The following SEMA6B variants were observed in gnomAD, a reference collection of about 807,000 sequenced individuals.
The protein encoded by SEMA6B is semaphorin-6B.
In SEMA6B, 47 loss-of-function variants were observed where a neutral mutation model predicts 78.6. That is an observed-to-expected ratio of 0.60 (90% confidence interval 0.47 to 0.76). The LOEUF (loss-of-function observed/expected upper bound fraction) is 0.76, where lower values mean the gene tolerates loss of function less well. SEMA6B is among the 30% of genes least tolerant of loss of function. SEMA6B has a pLI of 0.00. For synonymous variants in SEMA6B, 632 were observed against 592.2 expected (o/e 1.07, Z -0.98); for missense variants, 1,213 against 1,269.9 (o/e 0.96, Z 0.68).
In SEMA6B at chr19:4,556,149, G is replaced by A. The variant is rs142559337; in HGVS notation, c.370-60C>T. The A allele has an allele frequency of 3.1e-3, 3,838 of 1,237,324 alleles. 10 individuals are homozygous for A. Among genetic ancestry groups the A allele is most frequent in the South Asian group, 4.0e-3 (332 of 82,712 alleles). The allele number at this position is 1,237,324 out of a possible 1,614,324, so 76.6% of individuals were successfully genotyped here. A position where few individuals can be genotyped will look rare whatever the true frequency, so the allele number is the denominator to read the frequency against. ...TGTGGGCGTGGTCATGGTGATGGGC[G>A]TGGCCAGAACCTGAGTTGTGTGGGT... On this transcript the variant is annotated intron_variant, in intron 5 of 16. Transcript: ENST00000586582.
chr19:4,548,431 C>T lies in SEMA6B; in HGVS notation c.1286G>A (p.Arg429Gln), dbSNP rs911810253. Reference sequence around the variant, plus strand: ...GCCGGCTCCCACGTCCACAGCCACTCGAGTCAGCTGGTGCCTGGGGGACAG... The same window carrying T: ...GCCGGCTCCCACGTCCACAGCCACTTGAGTCAGCTGGTGCCTGGGGGACAG... Reference protein sequence around the residue: ...LRTLMRHQLTRVAVDVGAGPW... With the variant: ...LRTLMRHQLTQVAVDVGAGPW... Residue 429 changes from arginine (R) to glutamine (Q), a missense_variant, in exon 13 of 17, where the codon CGA becomes CAA. Physicochemically the swap from Arg to Gln is conservative, Grantham distance 43 (BLOSUM62 1). Coordinates refer to ENST00000586582, the MANE Select transcript of SEMA6B (RefSeq NM_032108.4). 6.2e-6 allele frequency: 10 copies of T among 1,612,074 alleles called. No individual in the cohort carries two copies. Among genetic ancestry groups the T allele is most frequent in the Middle Eastern group, 1.6e-4 (1 of 6,084 alleles).
chr19:4,546,454 A>G lies in SEMA6B; in HGVS notation c.1617T>C (p.Ser539=), dbSNP rs749970871. Residue 539 remains serine, a synonymous_variant, in exon 15 of 17, where the codon AGT becomes AGC. Transcript: ENST00000586582. ...YSGCMKNCIG[S]QDPYCGWAPD... is the part of the protein sequence containing the mutation. Reference sequence around the variant, plus strand: ...GGGCCCACCCGCAGTAGGGGTCCTGACTGCCGATACAGTTCCTAGAGCAGA... The same window carrying G: ...GGGCCCACCCGCAGTAGGGGTCCTGGCTGCCGATACAGTTCCTAGAGCAGA... The G allele has an allele frequency of 1.6e-5, 25 of 1,567,298 alleles. No individual in the cohort carries two copies. The African/African-American group carries it at 3.1e-4, about 20-fold the overall frequency.
rs1568259180 is a variant in SEMA6B, at chr19:4,557,166, C to G, written c.303G>C (p.Gln101His). The G allele has an allele frequency of 1.2e-6, 2 of 1,611,572 alleles. No individual in the cohort carries two copies. Among genetic ancestry groups the G allele is most frequent in the African/African-American group, 1.3e-5 (1 of 74,998 alleles). ...EPPTSTELRY[Q>H]RKLTWRSNPS... ...CCCACCTGCACCCCTTCCTCACCCT[C>G]TGGTACCGCAGCTCCGTGGACGTGG... The change falls in exon 4 of 17, where the codon CAG becomes CAC. Residue 101 changes from glutamine (Q) to histidine (H), a missense_variant. Coordinates refer to ENST00000586582, the MANE Select transcript of SEMA6B (RefSeq NM_032108.4).
Position 4,543,048 on chromosome 19 carries a change from GACAC to G in SEMA6B, c.*549_*552del, listed in dbSNP as rs924905192. On this transcript the variant is annotated 3_prime_UTR_variant, in exon 17 of 17. Coordinates refer to ENST00000586582, the MANE Select transcript of SEMA6B (RefSeq NM_032108.4). ...CACACCCTGCACGCGTGGCCCACTTGACACACACGCCCACAGCAGCCTTCGCTGG... is the reference window on the plus strand; with the variant it reads ...CACACCCTGCACGCGTGGCCCACTTGACACGCCCACAGCAGCCTTCGCTGG... The G allele has an allele frequency of 2.9e-5, 19 of 663,720 alleles. No homozygotes were observed. The highest frequency in any genetic ancestry group is 6.3e-5 in the South Asian group (4 of 63,232). The allele number at this position is 663,720 out of a possible 1,614,324, so 41.1% of individuals were successfully genotyped here. A position where few individuals can be genotyped will look rare whatever the true frequency, so the allele number is the denominator to read the frequency against.
At position 4,550,413 on chromosome 19, in the gene SEMA6B, C is replaced by T. The variant is rs548543319; in HGVS notation, c.1122-141G>A. 7.6e-5 allele frequency: 71 copies of T among 930,366 alleles called. No homozygotes were observed. Among genetic ancestry groups the T allele is most frequent in the African/African-American group, 6.8e-4 (41 of 60,120 alleles). 57.6% of individuals were successfully genotyped at this position (930,366 alleles called of 1,614,324 possible). On this transcript the variant is annotated intron_variant, in intron 11 of 16. Transcript: ENST00000586582. This position sits in a 1 kb window ranked among gnomAD's most constrained non-coding sequence, Gnocchi z 6.6. ...TTTTTGAGACAGAGTCTCAATCTGT[C>T]GCCCAGGCTGGAGTGCTTTGGCTCA...
In SEMA6B at chr19:4,543,685, G is replaced by A. The variant is rs1318237303; in HGVS notation, c.2583C>T (p.Arg861=). The change falls in exon 17 of 17, where the codon CGC becomes CGT. Residue 861 remains arginine, a synonymous_variant. Transcript: ENST00000586582. ...SGEARPGDRH[R]GCHARPGTDL... ...CTGTGCCCGGCCGGGCGTGGCAGCC[G>A]CGGTGGCGGTCCCCAGGCCGGGCCT... 1 of 1,230,374 alleles carries A rather than the reference G, an allele frequency of 8.1e-7. No individual in the cohort carries two copies. The allele number at this position is 1,230,374 out of a possible 1,614,324, so 76.2% of individuals were successfully genotyped here. A position where few individuals can be genotyped will look rare whatever the true frequency, so the allele number is the denominator to read the frequency against.
chr19:4,558,118 G>A lies in SEMA6B; in HGVS notation c.153C>T (p.Ser51=), dbSNP rs1599784468. 7.2e-6 allele frequency: 11 copies of A among 1,520,688 alleles called. No homozygotes were observed. Among genetic ancestry groups the A allele is most frequent in the African/African-American group, 2.8e-5 (2 of 71,270 alleles). The allele number at this position is 1,520,688 out of a possible 1,614,324, so 94.2% of individuals were successfully genotyped here. A position where few individuals can be genotyped will look rare whatever the true frequency, so the allele number is the denominator to read the frequency against. ...CTGCGGGGGTCAGGCGTCCGGGCCCGCTGCCCACAAACACGGGATAGTGGT... is the reference window on the plus strand; with the variant it reads ...CTGCGGGGGTCAGGCGTCCGGGCCCACTGCCCACAAACACGGGATAGTGGT... The part of the protein sequence containing the change: ...YLNHYPVFVG[S]GPGRLTPAEG... Residue 51 remains serine (S), a synonymous_variant, in exon 3 of 17, where the codon AGC becomes AGT. Coordinates refer to ENST00000586582, the MANE Select transcript of SEMA6B (RefSeq NM_032108.4). This position sits in a 1 kb window ranked among gnomAD's most constrained non-coding sequence, Gnocchi z 5.1.
At chr19:4,553,307 T>C (rs1474216923) in intron 9 of SEMA6B, among the ~76,000 whole-genome samples, 1 of 151,004 alleles carries the variant, frequency 6.6e-6, no homozygotes, top group Non-Finnish European at 1.5e-5. Context: ...AATGAATGGA[T>C]GGATAAGTGG....
chr19:4,557,978 C>G (rs748129671), intron 3 of SEMA6B, 48 bp downstream of exon 3: 3 of 1,308,718 alleles, frequency 2.3e-6, no homozygotes, highest in African/African-American at 1.5e-5. Flanking sequence ...CTCTCCCCCT[C>G]GCTCATTCTG....
rs964252530 is a variant in SEMA6B at position 4,550,643 on chromosome 19, C to T, written c.1121+156G>A. On this transcript the variant is annotated intron_variant, in intron 11 of 16. Coordinates refer to ENST00000586582, the MANE Select transcript of SEMA6B (RefSeq NM_032108.4). This position sits in a 1 kb window ranked among gnomAD's most constrained non-coding sequence, Gnocchi z 6.6. ...CCTCCCAAAGGGCTAGGATTACAGG[C>T]GTGAGCCACCACACCAGGCCTCAGT... 1.3e-5 allele frequency among the ~76,000 whole-genome samples: 2 copies of T among 152,152 alleles called. No homozygotes were observed. Among genetic ancestry groups the T allele is most frequent in the African/African-American group, 2.4e-5 (1 of 41,450 alleles).
At chr19:4,549,592 C>T (rs909830759) in intron 12 of SEMA6B, among the ~76,000 whole-genome samples, 1 of 152,236 alleles carries the variant, frequency 6.6e-6, no homozygotes, top group Non-Finnish European at 1.5e-5. Context: ...CATTCTCCTG[C>T]CTCAGCCTCC....
At chr19:4,559,141 C>T (rs1334742835) in intron 1 of SEMA6B, among the ~76,000 whole-genome samples, 4 of 149,518 alleles carry the variant, frequency 2.7e-5, no homozygotes, top group Non-Finnish European at 4.4e-5. Flanking sequence ...TTGCAGTGAG[C>T]CAAGATCGCA....
At position 4,552,465 on chromosome 19, in the gene SEMA6B, C is replaced by T. The variant is rs148807791; in HGVS notation, c.946G>A (p.Gly316Ser). Residue 316 changes from glycine to serine, a missense_variant, in exon 10 of 17, where the codon GGC (glycine) becomes AGC (serine). Gly to Ser is a moderately conservative substitution (Grantham distance 56). Transcript: ENST00000586582. This position sits in a 1 kb window ranked among gnomAD's most constrained non-coding sequence, Gnocchi z 7.4. ...AAAACGGCCAGGACCACGGGCCGGC[C>T]CCCGAGGCTGACCACGCCCGTGACA... ...QAVTGVVSLG[G>S]RPVVLAVFST... is the part of the protein sequence containing the mutation. 8.0e-5 allele frequency: 129 copies of T among 1,607,488 alleles called. No individual in the cohort carries two copies. Among genetic ancestry groups the T allele is most frequent in the Admixed American group, 1.7e-4 (10 of 59,166 alleles).
Position 4,544,529 on chromosome 19 carries a change from C to A in SEMA6B, c.1739G>T (p.Gly580Val). The part of the protein sequence containing the change: ...ASTSGLGDCT[G>V]LLRASLSEDR... ...CTCGGAGAGGCTGGCCCGCAGGAGT[C>A]CTGGCCGGGGAGCACAGGGGGGTTA... Residue 580 changes from glycine (G) to valine (V), a missense_variant and splice_region_variant, in exon 17 of 17, where the codon GGA becomes GTA. Coordinates refer to ENST00000586582, the MANE Select transcript of SEMA6B (RefSeq NM_032108.4). The surrounding 1 kb of genome is among the most constrained non-coding windows in gnomAD (Gnocchi z 5.1). 1 of 1,516,272 alleles carries A rather than the reference C, an allele frequency of 6.6e-7. No individual in the cohort carries two copies. Among genetic ancestry groups the A allele is most frequent in the South Asian group, 1.2e-5 (1 of 80,572 alleles). 93.9% of individuals were successfully genotyped at this position (1,516,272 alleles called of 1,614,324 possible).
At position 4,554,368 on chromosome 19, in the gene SEMA6B, C is replaced by G. The variant is rs906523718; in HGVS notation, c.771+20G>C. ...ATGATCAGAGCCTCTCAACTTCATG[C>G]CCCACTGCACCGGCCTCACCTTCTC... On this transcript the variant is annotated intron_variant, in intron 9 of 16. Coordinates refer to ENST00000586582, the MANE Select transcript of SEMA6B (RefSeq NM_032108.4). 4 of 1,592,456 alleles carry G rather than the reference C, an allele frequency of 2.5e-6. No individual in the cohort carries two copies. The South Asian group carries it at 4.4e-5, about 18-fold the overall frequency.
chr19:4,552,825 CAAT>C lies in SEMA6B; in HGVS notation c.772-189_772-187del, dbSNP rs1977368355. Among the ~76,000 whole-genome samples the C allele has an allele frequency of 6.6e-6, 1 of 152,176 alleles. No individual in the cohort carries two copies. Among genetic ancestry groups the C allele is most frequent in the African/African-American group, 2.4e-5 (1 of 41,444 alleles). ...TGGCAGAAATTCCCGGTGGGAATGT[CAAT>C]GATGATAATAGCAACAGTGACAACC... On this transcript the variant is annotated intron_variant, in intron 9 of 16. Transcript: ENST00000586582. The surrounding 1 kb of genome is among the most constrained non-coding windows in gnomAD (Gnocchi z 7.4).
In SEMA6B at chr19:4,543,654, C is replaced by A. The variant is rs1445145893; in HGVS notation, c.2614G>T (p.Ala872Ser). 8.1e-7 allele frequency: 1 copy of A among 1,231,918 alleles called. No homozygotes were observed. The highest frequency in any genetic ancestry group is 1.0e-6 in the Non-Finnish European group (1 of 987,886). 76.3% of individuals were successfully genotyped at this position (1,231,918 alleles called of 1,614,324 possible). A position where few individuals can be genotyped will look rare whatever the true frequency, so the allele number is the denominator to read the frequency against. Residue 872 changes from alanine to serine, a missense_variant, in exon 17 of 17, where the codon GCC becomes TCC. By Grantham distance (99) the Ala-to-Ser change is moderately conservative. Transcript: ENST00000586582. Reference protein sequence around the residue: ...GCHARPGTDLAHLLPYGGADR... With the variant: ...GCHARPGTDLSHLLPYGGADR... Reference sequence around the variant, plus strand: ...GCCCCCCCATAGGGGAGGAGGTGGGCCAAGTCTGTGCCCGGCCGGGCGTGG... The same window carrying A: ...GCCCCCCCATAGGGGAGGAGGTGGGACAAGTCTGTGCCCGGCCGGGCGTGG...
intron 14 of SEMA6B, among the ~76,000 whole-genome samples, chr19:4,547,614 C>A (rs1303287231): frequency 6.6e-6 from 1 of 152,176 alleles, no homozygotes; most frequent in Non-Finnish European, 1.5e-5. Context: ...CCTTCCCCTG[C>A]AGTCTCCTCC....
chr19:4,550,206 G>A lies in SEMA6B; in HGVS notation c.1188C>T (p.Leu396=). The change falls in exon 12 of 17, where the codon CTC becomes CTT. Residue 396 remains leucine, a synonymous_variant. Transcript: ENST00000586582. This position sits in a 1 kb window ranked among gnomAD's most constrained non-coding sequence, Gnocchi z 6.6. ...NASSALPDDI[L]NFVKTHPLMD... Reference sequence around the variant, plus strand: ...TCAGAGGGTGGGTCTTGACAAAGTTGAGGATGTCATCCGGCAAGGCGCTGG... The same window carrying A: ...TCAGAGGGTGGGTCTTGACAAAGTTAAGGATGTCATCCGGCAAGGCGCTGG... The A allele has an allele frequency of 6.2e-7, 1 of 1,613,770 alleles. No homozygotes were observed. Among genetic ancestry groups the A allele is most frequent in the South Asian group, 1.1e-5 (1 of 91,084 alleles).
Sources: gnomAD v4.1 joint callset for allele counts (sites outside exome capture counted in the v4.1 genomes callset) on GRCh38, gnomAD v4.1.1 for gene constraint, Gnocchi (gnomAD v3.1) non-coding constraint, MANE v1.5 for transcripts, NCBI Gene and HGNC (gene_info 2026-07-23, HGNC 2026-07-21) for gene names.